TONSL: variants seen among roughly 807,000 people sequenced by gnomAD.
The protein encoded by TONSL is tonsoku-like protein.
TONSL carries 112 observed loss-of-function variants against 147.1 expected under a neutral mutation model. The ratio of observed to expected loss-of-function variants is 0.76; its 90% CI spans 0.65 to 0.89. The LOEUF is 0.89. Among genes scored for constraint, TONSL ranks in the 40% least tolerant of loss-of-function variants. TONSL has a pLI of 0.00. For missense variants in TONSL, 1,883 were observed against 1,864.6 expected (o/e 1.01, Z -0.18); for synonymous variants, 868 against 801.5 (o/e 1.08, Z -1.40).
At position 144,436,772 on chromosome 8, in the gene TONSL, G is replaced by A. The variant is rs757476067; in HGVS notation, c.1875C>T (p.Thr625=). The A allele has an allele frequency of 1.7e-5, 27 of 1,610,966 alleles. No homozygotes were observed. The Admixed American group carries it at 4.5e-4, about 27-fold the overall frequency. ...ELLLERGASV[T]LRTRKGLSPL... is the part of the protein sequence containing the mutation. The stretch of plus-strand genomic sequence containing the variant: ...CCAGGCTCACCTTTCGAGTGCGGAG[G>A]GTGACGGACGCCCCCCGTTCAAGCA... Residue 625 remains threonine (T), a synonymous_variant, in exon 15 of 26, where the codon ACC becomes ACT. Transcript: ENST00000409379.
Position 144,435,190 on chromosome 8 carries a change from G to T in TONSL, c.2853-20C>A. 1 of 1,491,692 alleles carries T rather than the reference G, an allele frequency of 6.7e-7. No homozygotes were observed. Among genetic ancestry groups the T allele is most frequent in the Non-Finnish European group, 8.9e-7 (1 of 1,122,188 alleles). 92.4% of individuals were successfully genotyped at this position (1,491,692 alleles called of 1,614,324 possible). On this transcript the variant is annotated intron_variant, in intron 18 of 25. Coordinates refer to ENST00000409379, the MANE Select transcript of TONSL (RefSeq NM_013432.5). ...TCACTGCTGCAGGGACAGAGGCGCTGCTGCTGCTGCCTGCACACAGCCGGG... is the reference window on the plus strand; with the variant it reads ...TCACTGCTGCAGGGACAGAGGCGCTTCTGCTGCTGCCTGCACACAGCCGGG...
chr8:144,437,004 G>A, intron 14 of TONSL, 23 bp downstream of exon 14: 2 of 1,613,042 alleles, frequency 1.2e-6, no homozygotes, highest in Non-Finnish European at 1.7e-6. Context: ...AGGTGCGCCA[G>A]GCTCCTTCTG....
intron 22 of TONSL, chr8:144,432,816 A>C (rs1385313163): frequency 1.6e-5 from 3 of 190,762 alleles, no homozygotes; most frequent in Non-Finnish European, 3.2e-5. Flanking sequence ...GCCTCTTGGC[A>C]CTGGGACCCC....
At chr8:144,432,633 G>GC in intron 22 of TONSL, 173 bp from the exon 23 acceptor site, 1 of 637,272 alleles carries the variant, frequency 1.6e-6, no homozygotes, top group Non-Finnish European at 2.4e-6. Context: ...CCAGCTGGGA[G>GC]GGCGGGGCCA....
rs1169091475 is a variant in TONSL at position 144,444,204 on chromosome 8, G to A, written c.97C>T (p.Leu33=). The change falls in exon 2 of 26, where the codon CTG becomes TTG. Residue 33 remains leucine (L), a synonymous_variant. Coordinates refer to ENST00000409379, the MANE Select transcript of TONSL (RefSeq NM_013432.5). ...RREEAALCHQ[L]GELLAGHGRY... is the part of the protein sequence containing the mutation. Reference sequence around the variant, plus strand: ...CCATGGCCGGCCAGGAGCTCCCCCAGCTGGTGGCACAGCGCGGCCTCTTCG... The same window carrying A: ...CCATGGCCGGCCAGGAGCTCCCCCAACTGGTGGCACAGCGCGGCCTCTTCG... The A allele has an allele frequency of 1.4e-6, 2 of 1,458,110 alleles. No homozygotes were observed. The highest frequency in any genetic ancestry group is 1.5e-5 in the African/African-American group (1 of 68,288). The allele number at this position is 1,458,110 out of a possible 1,614,324, so 90.3% of individuals were successfully genotyped here. A position where few individuals can be genotyped will look rare whatever the true frequency, so the allele number is the denominator to read the frequency against.
intron 7 of TONSL, 182 bp downstream of exon 7, chr8:144,441,855 C>T: frequency 1.7e-6 from 1 of 577,774 alleles, no homozygotes; most frequent in Non-Finnish European, 3.1e-6. Context: ...AAAAGGGGGT[C>T]TTCTCCTGTC....
intron 20 of TONSL, 33 bp from the exon 21 acceptor site, chr8:144,434,312 G>C (rs1489626714): frequency 6.8e-7 from 1 of 1,475,908 alleles, no homozygotes; most frequent in Non-Finnish European, 9.0e-7. Flanking sequence ...CCAGGGTAAG[G>C]CCGGCCCTTT....
Position 144,433,724 on chromosome 8 carries a change from C to T in TONSL, c.3423G>A (p.Leu1141=). Residue 1141 remains leucine, a synonymous_variant, in exon 22 of 26, where the codon CTG becomes CTA. Transcript: ENST00000409379. The part of the protein sequence containing the change: ...LEELDLSMNP[L]GDGCGQSLAS... ...CCAGGGACTGGCCACAGCCGTCCCC[C>T]AGGGGGTTCATGCTTAAGTCCAGCT... 6.2e-7 allele frequency: 1 copy of T among 1,602,306 alleles called. No homozygotes were observed. The highest frequency in any genetic ancestry group is 8.5e-7 in the Non-Finnish European group (1 of 1,175,000).
chr8:144,435,466 T>C lies in TONSL; in HGVS notation c.2852+8A>G. 6.5e-7 allele frequency: 1 copy of C among 1,538,644 alleles called. No individual in the cohort carries two copies. Among genetic ancestry groups the C allele is most frequent in the Non-Finnish European group, 8.8e-7 (1 of 1,138,900 alleles). On this transcript the variant is annotated splice_region_variant and intron_variant, in intron 18 of 25. Coordinates refer to ENST00000409379, the MANE Select transcript of TONSL (RefSeq NM_013432.5). The stretch of plus-strand genomic sequence containing the variant: ...GTGGGCTGCGGGGTAGGGCAGGCGA[T>C]GCCTCACCTGTGTGGGACAGGGATG...
At chr8:144,440,527 C>A (rs767565099) in intron 9 of TONSL, 51 bp from the exon 10 acceptor site, 3 of 1,545,730 alleles carry the variant, frequency 1.9e-6, no homozygotes, top group African/African-American at 2.7e-5. Context: ...CTGCGTCCAA[C>A]GGGCCCCAGT....
rs1823051836 is a variant in TONSL, at chr8:144,429,126, G to A, written c.*17C>T. The A allele has an allele frequency of 1.3e-6, 2 of 1,513,476 alleles. No homozygotes were observed. The highest frequency in any genetic ancestry group is 2.5e-5 in the East Asian group (1 of 39,898). The allele number at this position is 1,513,476 out of a possible 1,614,324, so 93.8% of individuals were successfully genotyped here. A position where few individuals can be genotyped will look rare whatever the true frequency, so the allele number is the denominator to read the frequency against. Reference sequence around the variant, plus strand: ...TATTAGGGGCTTCGGTGAGGGTGGGGAAAGGCAGCGCCAGGGTCAGAGGCG... The same window carrying A: ...TATTAGGGGCTTCGGTGAGGGTGGGAAAAGGCAGCGCCAGGGTCAGAGGCG... On this transcript the variant is annotated 3_prime_UTR_variant, in exon 26 of 26. Transcript: ENST00000409379.
At chr8:144,440,520 C>A (rs199641409) in intron 9 of TONSL, 44 bp from the exon 10 acceptor site, 1 of 1,551,380 alleles carries the variant, frequency 6.4e-7, no homozygotes, top group Non-Finnish European at 8.7e-7. Flanking sequence ...CCGCTGTCTG[C>A]GTCCAACGGG....
chr8:144,436,789 G>T lies in TONSL; in HGVS notation c.1858C>A (p.Arg620=), dbSNP rs34978644. 1.0e-4 allele frequency: 168 copies of T among 1,611,378 alleles called. No individual in the cohort carries two copies. The African/African-American group carries it at 1.8e-3, about 17-fold the overall frequency. The change falls in exon 15 of 26, where the codon CGG becomes AGG. Residue 620 remains arginine (R), a synonymous_variant. Transcript: ENST00000409379. ...HFEVAELLLE[R]GASVTLRTRK... is the part of the protein sequence containing the mutation. ...GTGCGGAGGGTGACGGACGCCCCCC[G>T]TTCAAGCAGCAGCTCAGCCACCTCG...
Position 144,433,983 on chromosome 8 carries a change from A to C in TONSL, c.3382T>G (p.Leu1128Val). The C allele has an allele frequency of 6.3e-7, 1 of 1,583,556 alleles. No homozygotes were observed. Among genetic ancestry groups the C allele is most frequent in the Middle Eastern group, 1.7e-4 (1 of 5,920 alleles). The change falls in exon 21 of 26, where the codon TTG becomes GTG. Residue 1128 changes from leucine (L) to valine (V), a missense_variant. Coordinates refer to ENST00000409379, the MANE Select transcript of TONSL (RefSeq NM_013432.5). The part of the protein sequence containing the change: ...LAMGLPGQAT[L>V]QSLEELDLSM... Reference sequence around the variant, plus strand: ...GCTGCTCTCTGTGCCTATACCTGCAAGGTGGCTTGGCCTGGGAGCCCCATG... The same window carrying C: ...GCTGCTCTCTGTGCCTATACCTGCACGGTGGCTTGGCCTGGGAGCCCCATG...
Position 144,443,894 on chromosome 8 carries a change from CG to C in TONSL, c.251del (p.Pro84ArgfsTer74). 1 of 1,545,574 alleles carries C rather than the reference CG, an allele frequency of 6.5e-7. No homozygotes were observed. On this transcript the variant is annotated frameshift_variant, in exon 3 of 26. Transcript: ENST00000409379. LOFTEE classifies it high-confidence loss of function. ...AGGGCGCCCGCACCTGCAAGGCAGC[CG>C]GGTAGTCCTCCATCTCGGCCAGGCG... ...GERLAEMEDY[P>X]AALQHQHQYL...
Position 144,441,065 on chromosome 8 carries a change from G to A in TONSL, c.912C>T (p.Gly304=), listed in dbSNP as rs937067257. The A allele has an allele frequency of 5.0e-6, 8 of 1,612,794 alleles. No homozygotes were observed. Among genetic ancestry groups the A allele is most frequent in the Admixed American group, 1.7e-5 (1 of 60,012 alleles). The change falls in exon 8 of 26, where the codon GGC becomes GGT. Residue 304 remains glycine (G), a synonymous_variant. Transcript: ENST00000409379. The stretch of plus-strand genomic sequence containing the variant: ...TGACCATGGCACCCTGAGGGTCTCT[G>A]CCCTCAGCCTCTTCCAGCTGTTGCT... ...RLQQQLEEAE[G]RDPQGAMVIC...
At chr8:144,434,679 C>T in intron 20 of TONSL, 132 bp downstream of exon 20, 2 of 977,124 alleles carry the variant, frequency 2.0e-6, no homozygotes, top group Non-Finnish European at 3.0e-6. Context: ...GTGCAGGACA[C>T]AGCACCCACC....
At chr8:144,433,787 C>T in intron 21 of TONSL, 28 bp from the exon 22 acceptor site, 1 of 1,537,378 alleles carries the variant, frequency 6.5e-7, no homozygotes, top group Non-Finnish European at 8.7e-7. Context: ...TGGCAGTGAG[C>T]CCCCAGCAGT....
intron 24 of TONSL, 129 bp from the exon 25 acceptor site, chr8:144,430,666 T>C (rs1167101316): frequency 2.6e-6 from 3 of 1,175,454 alleles, no homozygotes; most frequent in Non-Finnish European, 3.5e-6. Context: ...TGCCTCAGCC[T>C]GGCCCAGTAG....
Sources: gnomAD v4.1 joint callset for allele counts on GRCh38, gnomAD v4.1.1 for gene constraint, MANE v1.5 for transcripts, NCBI Gene and HGNC (gene_info 2026-07-23, HGNC 2026-07-21) for gene names.